The following ZSCAN32 variants were observed in gnomAD, a reference collection of about 807,000 sequenced individuals.
ZSCAN32 encodes the protein zinc finger and SCAN domain-containing protein 32.
A neutral mutation model predicts 47.4 loss-of-function variants in ZSCAN32; 52 were observed. The observed-to-expected ratio is 1.10, with a 90% CI of 0.88 to 1.38. The LOEUF is 1.38. Among genes scored for constraint, ZSCAN32 ranks in the 40% most tolerant of loss-of-function variants. The pLI, the probability that ZSCAN32 is intolerant of heterozygous loss-of-function variation, is 0.00. For missense variants in ZSCAN32, 959 were observed against 846.0 expected, an observed-to-expected ratio of 1.13 and a Z score of -1.66; for synonymous variants, 346 against 305.7, an observed-to-expected ratio of 1.13 and a Z score of -1.38.
intron 1 of ZSCAN32, among the ~76,000 whole-genome samples, chr16:3,398,325 T>C (rs1466436399): frequency 2.6e-5 from 4 of 151,774 alleles, no homozygotes; most frequent in Non-Finnish European, 4.4e-5. Context: ...CCACCCAAAA[T>C]CGCACTCAGC....
At chr16:3,389,955 C>G in intron 5 of ZSCAN32, 55 bp downstream of exon 5, 2 of 1,512,106 alleles carry the variant, frequency 1.3e-6, no homozygotes, top group Non-Finnish European at 1.8e-6. Flanking sequence ...TCCTTTCAGC[C>G]TCTCTGAACA....
chr16:3,386,381 C>A (rs531001840), intron 5 of ZSCAN32, among the ~76,000 whole-genome samples: 10 of 151,698 alleles, frequency 6.6e-5, no homozygotes, highest in African/African-American at 2.4e-4. Context: ...AAGTCAGTGT[C>A]GCGATTCCTC....
At chr16:3,393,574 C>T in intron 3 of ZSCAN32, 75 bp downstream of exon 3, 1 of 1,382,466 alleles carries the variant, frequency 7.2e-7, no homozygotes, top group Non-Finnish European at 9.6e-7. Context: ...CTTGGGTGGA[C>T]TCAGTTCAGA....
chr16:3,397,821 C>T (rs997717898), intron 1 of ZSCAN32, 77 bp from the exon 2 acceptor site: 3 of 299,856 alleles, frequency 1.0e-5, no homozygotes, highest in Non-Finnish European at 1.8e-5. Context: ...ACTTCCTATC[C>T]CTTTCCTTTA....
chr16:3,384,681 G>A lies in ZSCAN32; in HGVS notation c.1012C>T (p.Leu338Phe). ...PCIFYEEMNA[L>F]SGSWASAPPM... Reference sequence around the variant, plus strand: ...GGTGCAGAGGCCCAGGAGCCTGAAAGAGCATTCATTTCCTCATAAAAGATA... The same window carrying A: ...GGTGCAGAGGCCCAGGAGCCTGAAAAAGCATTCATTTCCTCATAAAAGATA... The change falls in exon 6 of 7, where the codon CTT becomes TTT. Residue 338 changes from leucine (L) to phenylalanine (F), a missense_variant. Physicochemically the swap from Leu to Phe is conservative, Grantham distance 22. Transcript: ENST00000396852. The A allele has an allele frequency of 6.2e-7, 1 of 1,614,176 alleles. No individual in the cohort carries two copies. The highest frequency in any genetic ancestry group is 8.5e-7 in the Non-Finnish European group (1 of 1,180,028).
rs770905887 is a variant in ZSCAN32, at chr16:3,384,806, T to C, written c.887A>G (p.Glu296Gly). 16 of 1,614,186 alleles carry C rather than the reference T, an allele frequency of 9.9e-6. No individual in the cohort carries two copies. The highest frequency in any genetic ancestry group is 1.4e-5 in the Non-Finnish European group (16 of 1,180,036). The change falls in exon 6 of 7, where the codon GAG (glutamate) becomes GGG (glycine). Residue 296 changes from glutamate to glycine, a missense_variant. By Grantham distance (98) the Glu-to-Gly change is moderately conservative. Transcript: ENST00000396852. ...TTCTGGGGTCCGCAGAAAACCCTGC[T>C]CCCAGAGTCCTTCCGCCATGGCCCT... is the stretch of plus-strand genomic sequence containing the variant. ...IYRAMAEGLWEQGFLRTPEQC... is the reference protein window; with the variant it reads ...IYRAMAEGLWGQGFLRTPEQC...
chr16:3,390,581 T>G, intron 3 of ZSCAN32, 64 bp from the exon 4 acceptor site: 2 of 1,348,186 alleles, frequency 1.5e-6, no homozygotes, highest in Non-Finnish European at 2.0e-6. Flanking sequence ...GCAGAAGCTC[T>G]CAAAGTGGGC....
chr16:3,384,636 C>A lies in ZSCAN32; in HGVS notation c.1057G>T (p.Val353Phe), dbSNP rs149224788. ...ASAPPMASDA[V>F]PGQEGSDIEA... ...ATATCACTTCCTTCTTGGCCAGGAA[C>A]AGCATCGCTTGCCATAGGAGGTGCA... is the stretch of plus-strand genomic sequence containing the variant. The change falls in exon 6 of 7, where the codon GTT (valine) becomes TTT (phenylalanine). Residue 353 changes from valine to phenylalanine, a missense_variant. Val to Phe is a conservative substitution (Grantham distance 50). Coordinates refer to ENST00000396852, the MANE Select transcript of ZSCAN32 (RefSeq NM_001284527.2). 574 of 1,614,190 alleles carry A rather than the reference C, an allele frequency of 3.6e-4. No individual in the cohort carries two copies. Among genetic ancestry groups the A allele is most frequent in the Middle Eastern group, 9.9e-4 (6 of 6,062 alleles).
At position 3,393,202 on chromosome 16, in the gene ZSCAN32, T is replaced by TTATATATAAATA. The variant is rs1270666033; in HGVS notation, c.532+446_532+447insTATTTATATATA. Among the ~76,000 whole-genome samples the TTATATATAAATA allele has an allele frequency of 8.6e-5, 2 of 23,242 alleles. 1 individual carries two copies. The highest frequency in any genetic ancestry group is 3.9e-3 in the South Asian group (2 of 512). 15.2% of individuals were successfully genotyped at this position (23,242 alleles called of 152,430 possible). A position where few individuals can be genotyped will look rare whatever the true frequency, so the allele number is the denominator to read the frequency against. ...TATATTTCTATATTTATATATATAT[T>TTATATATAAATA]TATATTTATATATATATATATATAT... On this transcript the variant is annotated intron_variant, in intron 3 of 6. Coordinates refer to ENST00000396852, the MANE Select transcript of ZSCAN32 (RefSeq NM_001284527.2).
chr16:3,392,267 C>T (rs991208041), intron 3 of ZSCAN32, among the ~76,000 whole-genome samples: 1 of 152,022 alleles, frequency 6.6e-6, no homozygotes, highest in Non-Finnish European at 1.5e-5. Flanking sequence ...TGTTTTGAAA[C>T]TAGACAGAGG....
chr16:3,393,591 T>C (rs2033073508), intron 3 of ZSCAN32, 58 bp downstream of exon 3: 2 of 1,452,304 alleles, frequency 1.4e-6, no homozygotes, highest in African/African-American at 2.9e-5. Flanking sequence ...CAGACCTTTG[T>C]TTCCAGTAAA....
Position 3,395,651 on chromosome 16 carries a change from A to G in ZSCAN32, c.366+1541T>C, listed in dbSNP as rs548604607. Among the ~76,000 whole-genome samples the G allele has an allele frequency of 6.6e-5, 10 of 152,300 alleles. No individual in the cohort carries two copies. In the East Asian group the frequency reaches 1.7e-3, roughly 26 times the overall value. ...TAGCAGTGTGAGAACGGACTAATAA[A>G]TTAGGTTTCAAATAGGTGTTTAACC... On this transcript the variant is annotated intron_variant, in intron 2 of 6. Coordinates refer to ENST00000396852, the MANE Select transcript of ZSCAN32 (RefSeq NM_001284527.2).
Position 3,384,882 on chromosome 16 carries a change from A to T in ZSCAN32, c.811T>A (p.Ser271Thr). Reference protein sequence around the residue: ...TKTLLAILSSSQFYGKLQTCQ... With the variant: ...TKTLLAILSSTQFYGKLQTCQ... ...GTCTGGAGTTTTCCATAAAATTGAG[A>T]ACTACTAAGAATAGCCAGGAGCGTC... Residue 271 changes from serine to threonine, a missense_variant, in exon 6 of 7, where the codon TCT becomes ACT. Coordinates refer to ENST00000396852, the MANE Select transcript of ZSCAN32 (RefSeq NM_001284527.2). 6.2e-7 allele frequency: 1 copy of T among 1,614,112 alleles called. No individual in the cohort carries two copies. Among genetic ancestry groups the T allele is most frequent in the African/African-American group, 1.3e-5 (1 of 75,008 alleles).
intron 1 of ZSCAN32, among the ~76,000 whole-genome samples, chr16:3,399,682 G>C (rs965900605): frequency 6.6e-6 from 1 of 152,074 alleles, no homozygotes; most frequent in Non-Finnish European, 1.5e-5. Context: ...CTGAACTCAA[G>C]CAATCCTCCC....
chr16:3,390,026 G>C lies in ZSCAN32; in HGVS notation c.735C>G (p.Asp245Glu), dbSNP rs2032485319. The change falls in exon 5 of 7, where the codon GAC (aspartate) becomes GAG (glutamate). Residue 245 changes from aspartate to glutamate, a missense_variant. By Grantham distance (45) the Asp-to-Glu change is conservative. Transcript: ENST00000396852. ...ALYRGATQRKDSHVSLATGVP... is the reference protein window; with the variant it reads ...ALYRGATQRKESHVSLATGVP... ...GATCCTTACCCAGCGAGACGTGACT[G>C]TCCTTCCTCTGGGTGGCACCCCTGT... 1 of 1,613,052 alleles carries C rather than the reference G, an allele frequency of 6.2e-7. No individual in the cohort carries two copies. Among genetic ancestry groups the C allele is most frequent in the South Asian group, 1.1e-5 (1 of 90,808 alleles).
chr16:3,389,660 A>G (rs928591689), intron 5 of ZSCAN32, among the ~76,000 whole-genome samples: 4 of 152,136 alleles, frequency 2.6e-5, no homozygotes, highest in African/African-American at 9.7e-5. Flanking sequence ...GACTACTGCT[A>G]CCTGTGTGCA....
chr16:3,393,499 A>T, intron 3 of ZSCAN32, 150 bp downstream of exon 3: 1 of 667,594 alleles, frequency 1.5e-6, no homozygotes, highest in Non-Finnish European at 2.3e-6. Context: ...TGCTGGGATT[A>T]CAGGCGTGAG....
intron 1 of ZSCAN32, among the ~76,000 whole-genome samples, chr16:3,400,068 A>G (rs1332479727): frequency 1.3e-5 from 2 of 152,236 alleles, no homozygotes; most frequent in African/African-American, 4.8e-5. Context: ...AGGACTACTG[A>G]GCTGTACACT....
intron 2 of ZSCAN32, 143 bp from the exon 3 acceptor site, chr16:3,393,957 A>T (rs1316308389): frequency 1.5e-6 from 1 of 649,016 alleles, no homozygotes; most frequent in South Asian, 3.4e-5. Context: ...GCTGTAATAA[A>T]ATAAAAATTA....
Sources: gnomAD v4.1 joint callset for allele counts (sites outside exome capture counted in the v4.1 genomes callset) on GRCh38, gnomAD v4.1.1 for gene constraint, MANE v1.5 for transcripts, NCBI Gene and HGNC (gene_info 2026-07-23, HGNC 2026-07-21) for gene names.